PRDM11: variants seen among roughly 807,000 people sequenced by gnomAD.
The protein encoded by PRDM11 is PR/SET domain 11, also known as PR domain-containing protein 11.
In PRDM11, 20 loss-of-function variants were observed where a neutral mutation model predicts 97.8. The ratio of observed to expected loss-of-function variants is 0.20; its 90% confidence interval spans 0.14 to 0.30. The LOEUF is 0.30. Among genes scored for constraint, PRDM11 ranks in the 10% least tolerant of loss-of-function variants. PRDM11 has a pLI of 1.00. For synonymous variants in PRDM11, 599 were observed against 637.7 expected, an observed-to-expected ratio of 0.94 and a Z score of 0.91; for missense variants, 1,139 against 1,555.2, an observed-to-expected ratio of 0.73 and a Z score of 4.50.
intron 1 of PRDM11, among the ~76,000 whole-genome samples, chr11:45,165,152 C>T (rs965383555): frequency 2.6e-5 from 4 of 152,132 alleles, no homozygotes; most frequent in Admixed American, 2.0e-4. Context: ...GTTCCAGAGC[C>T]CATGTTCCCA....
intron 1 of PRDM11, among the ~76,000 whole-genome samples, chr11:45,114,967 G>A (rs545118716): frequency 6.6e-6 from 1 of 152,108 alleles, no homozygotes; most frequent in East Asian, 1.9e-4. Context: ...TTAGGCTGAA[G>A]GGAGATTACA....
In PRDM11 at chr11:45,102,728, G is replaced by T. The variant is rs1301684903; in HGVS notation, c.96+6827G>T. Among the ~76,000 whole-genome samples the T allele has an allele frequency of 2.6e-5, 4 of 152,174 alleles. No individual in the cohort carries two copies. In the East Asian group the frequency reaches 7.7e-4, roughly 29 times the overall value. On this transcript the variant is annotated intron_variant, in intron 1 of 6. Transcript: ENST00000530656. Reference sequence around the variant, plus strand: ...CTGGGCCCCCAGCCCTGTGCTGGCCGCCCTGGTGGATGCTGGAAACGCCAG... The same window carrying T: ...CTGGGCCCCCAGCCCTGTGCTGGCCTCCCTGGTGGATGCTGGAAACGCCAG...
intron 4 of PRDM11, among the ~76,000 whole-genome samples, chr11:45,197,977 A>G (rs1198476453): frequency 1.3e-5 from 2 of 152,196 alleles, no homozygotes; most frequent in East Asian, 3.8e-4. Flanking sequence ...ATATGTAACA[A>G]ACCTGCATGT....
At chr11:45,217,578 A>G (rs1195074343) in intron 5 of PRDM11, among the ~76,000 whole-genome samples, 1 of 152,200 alleles carries the variant, frequency 6.6e-6, no homozygotes, top group Non-Finnish European at 1.5e-5. Flanking sequence ...TTGCTCTCCC[A>G]TCTGCCTTGG....
chr11:45,171,050 AGTTGTAG>A (rs1852190331), intron 1 of PRDM11, among the ~76,000 whole-genome samples: 1 of 151,914 alleles, frequency 6.6e-6, no homozygotes, highest in Non-Finnish European at 1.5e-5. Context: ...AATTCCTAGA[AGTTGTAG>A]GATTGAAGGT....
chr11:45,166,150 G>A (rs1852058952), intron 1 of PRDM11, among the ~76,000 whole-genome samples: 1 of 152,212 alleles, frequency 6.6e-6, no homozygotes. Flanking sequence ...GCTCTAGGAG[G>A]ATCTTGAGAG....
At chr11:45,144,860 T>C (rs1271618914), upstream of PRDM11, among the ~76,000 whole-genome samples, 2 of 152,212 alleles carry the variant, frequency 1.3e-5, no homozygotes, top group African/African-American at 4.8e-5. Flanking sequence ...TCCAAAACCA[T>C]GCTCAGTGCA....
intron 1 of PRDM11, chr11:45,095,953 C>T (rs542382267): frequency 1.4e-4 from 104 of 764,240 alleles, no homozygotes; most frequent in Non-Finnish European, 2.2e-4. Flanking sequence ...CTTGCACTTG[C>T]TACTACCTCT....
intron 5 of PRDM11, chr11:45,213,521 G>A (rs1177167869): frequency 2.2e-6 from 1 of 456,484 alleles, no homozygotes; most frequent in East Asian, 7.0e-5. Flanking sequence ...CCCTTGCCCG[G>A]GGGTGGTGCC....
chr11:45,217,485 C>T (rs947968176), intron 5 of PRDM11, among the ~76,000 whole-genome samples: 2 of 152,004 alleles, frequency 1.3e-5, no homozygotes, highest in East Asian at 1.9e-4. Flanking sequence ...ATCTAAGCAC[C>T]GTAAATCTTG....
chr11:45,166,032 A>G (rs1463342149), intron 1 of PRDM11, among the ~76,000 whole-genome samples: 1 of 152,202 alleles, frequency 6.6e-6, no homozygotes, highest in East Asian at 1.9e-4. Context: ...CTATCTGAAA[A>G]ACAAAGTAAA....
intron 1 of PRDM11, among the ~76,000 whole-genome samples, chr11:45,113,908 C>A (rs1353110561): frequency 6.7e-6 from 1 of 149,894 alleles, no homozygotes; most frequent in Admixed American, 6.7e-5. Flanking sequence ...GATCTAGGAG[C>A]TTTTTGGATA....
At chr11:45,131,968 T>C (rs963734850) in intron 1 of PRDM11, among the ~76,000 whole-genome samples, 1 of 152,114 alleles carries the variant, frequency 6.6e-6, no homozygotes, top group African/African-American at 2.4e-5. Context: ...GCTGCAGCAG[T>C]TCCCTGAATC....
upstream of PRDM11, among the ~76,000 whole-genome samples, chr11:45,095,511 C>T (rs949491709): frequency 5.9e-5 from 9 of 152,286 alleles, no homozygotes; most frequent in Middle Eastern, 0.01. Context: ...GATGGCCAGC[C>T]GTCTCTCATC....
At chr11:45,197,090 G>T (rs978326213) in intron 4 of PRDM11, among the ~76,000 whole-genome samples, 2 of 152,186 alleles carry the variant, frequency 1.3e-5, no homozygotes, top group Non-Finnish European at 2.9e-5. Context: ...AAATCAAAGT[G>T]TATAAAACCT....
intron 1 of PRDM11, among the ~76,000 whole-genome samples, chr11:45,125,554 G>C (rs978938367): frequency 3.9e-5 from 6 of 152,020 alleles, no homozygotes; most frequent in African/African-American, 1.2e-4. Flanking sequence ...TGTTCTCATT[G>C]GTTTCAAAGA....
At position 45,102,663 on chromosome 11, in the gene PRDM11, A is replaced by G. The variant is rs149996391; in HGVS notation, c.96+6762A>G. On this transcript the variant is annotated intron_variant, in intron 1 of 6. Transcript: ENST00000530656. ...TGCCACAGCCTCCTTCCCCCCTGCC[A>G]TCCCAGTCCATTAGGTCCAGATGAC... is the stretch of plus-strand genomic sequence containing the variant. Among the ~76,000 whole-genome samples the G allele has an allele frequency of 3.2e-3, 481 of 150,956 alleles. 5 individuals carry two copies. Among genetic ancestry groups the G allele is most frequent in the African/African-American group, 0.011 (467 of 41,042 alleles).
intron 1 of PRDM11, among the ~76,000 whole-genome samples, chr11:45,176,794 T>C (rs1232111858): frequency 6.6e-6 from 1 of 152,260 alleles, no homozygotes; most frequent in African/African-American, 2.4e-5. Context: ...ATAAATTCAA[T>C]AACTCCCTAT....
chr11:45,152,551 T>G (rs1178986969), intron 1 of PRDM11, among the ~76,000 whole-genome samples: 1 of 152,234 alleles, frequency 6.6e-6, no homozygotes, highest in Non-Finnish European at 1.5e-5. Flanking sequence ...TTACTTTTGT[T>G]CACTGCTGTA....
Sources: gnomAD v4.1 joint callset for allele counts (sites outside exome capture counted in the v4.1 genomes callset) on GRCh38, gnomAD v4.1.1 for gene constraint, MANE v1.5 for transcripts, NCBI Gene and HGNC (gene_info 2026-07-23, HGNC 2026-07-21) for gene names.